FARSB: variants seen among roughly 807,000 people sequenced by gnomAD.
The protein encoded by FARSB is phenylalanine--tRNA ligase beta subunit.
A neutral mutation model predicts 69.6 loss-of-function variants in FARSB; 40 were observed. That is an observed-to-expected ratio of 0.57 (90% confidence interval 0.45 to 0.75). The LOEUF (loss-of-function observed/expected upper bound fraction) is 0.75, where lower values mean the gene tolerates loss of function less well. Ranked by LOEUF, FARSB falls within the 30% of genes least tolerant of loss-of-function variation. The pLI is 0.00. For synonymous variants in FARSB, 235 were observed against 247.2 expected (o/e 0.95, Z 0.46); for missense variants, 632 against 722.9 (o/e 0.87, Z 1.44).
In FARSB at chr2:222,631,997, G is replaced by A. The variant is rs1253009969; in HGVS notation, c.716-323C>T. On this transcript the variant is annotated intron_variant, in intron 7 of 16. Coordinates refer to ENST00000281828, the MANE Select transcript of FARSB (RefSeq NM_005687.5). ...TCAGGCAGGAGAATTGCTTGAACCC[G>A]GGAGGTGCAGGTTGTGGTGAGCCGA... 2.7e-5 allele frequency among the ~76,000 whole-genome samples: 4 copies of A among 150,358 alleles called. No individual in the cohort carries two copies. The South Asian group carries it at 6.3e-4, about 24-fold the overall frequency.
At chr2:222,607,662 TAAG>T (rs1690737892) in intron 15 of FARSB, among the ~76,000 whole-genome samples, 2 of 150,574 alleles carry the variant, frequency 1.3e-5, no homozygotes, top group African/African-American at 4.9e-5. Flanking sequence ...AAAAAAAAAA[TAAG>T]AAAAGATTAG....
At chr2:222,605,250 G>A (rs1055195385) in intron 15 of FARSB, among the ~76,000 whole-genome samples, 3 of 149,552 alleles carry the variant, frequency 2.0e-5, no homozygotes, top group African/African-American at 5.0e-5. Context: ...AAACGAAACA[G>A]AACTAAATTA....
At chr2:222,652,143 T>C (rs1692053583) in intron 1 of FARSB, among the ~76,000 whole-genome samples, 1 of 152,088 alleles carries the variant, frequency 6.6e-6, no homozygotes, top group Non-Finnish European at 1.5e-5. Flanking sequence ...AGGCCAACAG[T>C]GTACTAAAGA....
intron 10 of FARSB, among the ~76,000 whole-genome samples, chr2:222,626,568 C>G (rs1032721579): frequency 3.9e-5 from 6 of 152,112 alleles, no homozygotes; most frequent in African/African-American, 1.4e-4. Flanking sequence ...TCATGCAGTA[C>G]TCCTTTTCAG....
At chr2:222,605,998 A>G (rs922504895) in intron 15 of FARSB, among the ~76,000 whole-genome samples, 1 of 152,244 alleles carries the variant, frequency 6.6e-6, no homozygotes, top group African/African-American at 2.4e-5. Context: ...CAGGATGTTT[A>G]TAGCATACAC....
chr2:222,595,067 T>A (rs1690375421), intron 16 of FARSB, among the ~76,000 whole-genome samples: 1 of 152,208 alleles, frequency 6.6e-6, no homozygotes, highest in Non-Finnish European at 1.5e-5. Context: ...AAAGCAGACA[T>A]CCAGAGGAAT....
At position 222,602,900 on chromosome 2, in the gene FARSB, C is replaced by T. The variant is rs1402897095; in HGVS notation, c.1463-2817G>A. Among the ~76,000 whole-genome samples, 3 of 151,938 alleles carry T rather than the reference C, an allele frequency of 2.0e-5. 1 individual carries two copies. Among genetic ancestry groups the T allele is most frequent in the Non-Finnish European group, 4.4e-5 (3 of 68,002 alleles). On this transcript the variant is annotated intron_variant, in intron 15 of 16. Transcript: ENST00000281828. ...TCATTTATGTTTTGTGCTATTATAA[C>T]ATGGGTCTTTTCTTCCCTTAGAGCT...
chr2:222,617,675 G>T (rs528379350), intron 14 of FARSB, among the ~76,000 whole-genome samples: 1 of 152,186 alleles, frequency 6.6e-6, no homozygotes, highest in Non-Finnish European at 1.5e-5. Context: ...CTTGAGGCCG[G>T]GAGTTCGAGA....
chr2:222,611,091 T>G (rs966478407), intron 15 of FARSB, among the ~76,000 whole-genome samples: 11 of 152,138 alleles, frequency 7.2e-5, no homozygotes, highest in African/African-American at 2.7e-4. Flanking sequence ...ATACTCCAAA[T>G]AAACTAAAGC....
intron 16 of FARSB, among the ~76,000 whole-genome samples, chr2:222,582,490 T>C (rs1313516691): frequency 6.6e-6 from 1 of 152,224 alleles, no homozygotes; most frequent in Non-Finnish European, 1.5e-5. Context: ...TCTCTCTACG[T>C]CCCTTATTTA....
chr2:222,602,823 C>T (rs1898291), intron 15 of FARSB, among the ~76,000 whole-genome samples: 132,244 of 152,036 alleles, frequency 0.87, 57,692 homozygotes, highest in East Asian at 0.97. Flanking sequence ...CTCATTAGCA[C>T]TTTAACATTT....
At chr2:222,603,101 A>G (rs1690606747) in intron 15 of FARSB, among the ~76,000 whole-genome samples, 1 of 152,200 alleles carries the variant, frequency 6.6e-6, no homozygotes, top group Non-Finnish European at 1.5e-5. Flanking sequence ...TAACTTTATA[A>G]CACTTGTGGC....
At chr2:222,632,841 A>C (rs979536490) in intron 7 of FARSB, among the ~76,000 whole-genome samples, 1 of 140,868 alleles carries the variant, frequency 7.1e-6, no homozygotes, top group African/African-American at 2.6e-5. Flanking sequence ...CAACAACAAC[A>C]AAAAAAAAAA....
intron 5 of FARSB, among the ~76,000 whole-genome samples, chr2:222,636,275 C>T (rs1314896841): frequency 4.0e-5 from 6 of 148,960 alleles, no homozygotes; most frequent in South Asian, 2.2e-4. Flanking sequence ...ATGTGGTTGG[C>T]GGGCGCCTGT....
At position 222,567,594 on chromosome 2, in the gene FARSB, G is replaced by A. The variant is rs1259418419; in HGVS notation, c.*4277C>T. Reference sequence around the variant, plus strand: ...AGTAGATTACTCCTGTTTAAAATGTGAGAACAGTCATTCAACATGTTTTAA... The same window carrying A: ...AGTAGATTACTCCTGTTTAAAATGTAAGAACAGTCATTCAACATGTTTTAA... On this transcript the variant is annotated 3_prime_UTR_variant, in exon 17 of 17. Coordinates refer to ENST00000281828, the MANE Select transcript of FARSB (RefSeq NM_005687.5). 1 of 152,210 alleles carries A rather than the reference G, an allele frequency of 6.6e-6. No individual in the cohort carries two copies. The highest frequency in any genetic ancestry group is 1.5e-5 in the Non-Finnish European group (1 of 68,038). The allele number at this position is 152,210 out of a possible 1,614,324, so 9.4% of individuals were successfully genotyped here.
intron 15 of FARSB, among the ~76,000 whole-genome samples, chr2:222,612,500 C>T (rs1343115077): frequency 6.6e-6 from 1 of 152,180 alleles, no homozygotes; most frequent in African/African-American, 2.4e-5. Context: ...GATTTACAGT[C>T]AATAGTTGTG....
At chr2:222,632,325 T>C (rs1361888252) in intron 7 of FARSB, among the ~76,000 whole-genome samples, 1 of 152,216 alleles carries the variant, frequency 6.6e-6, no homozygotes, top group Non-Finnish European at 1.5e-5. Flanking sequence ...CACAATCCTA[T>C]GATGTAATTG....
chr2:222,655,923 A>C, intron 1 of FARSB, 93 bp downstream of exon 1: 2 of 1,052,900 alleles, frequency 1.9e-6, no homozygotes, highest in South Asian at 2.7e-5. Flanking sequence ...CAAAACCTTC[A>C]GGAAGGCATG....
intron 6 of FARSB, among the ~76,000 whole-genome samples, chr2:222,633,829 G>A (rs956634938): frequency 3.3e-5 from 5 of 152,088 alleles, no homozygotes; most frequent in African/African-American, 1.2e-4. Context: ...TTTCTCAAGA[G>A]TGAAAACAGA....
Sources: allele counts gnomAD v4.1 joint callset (sites outside exome capture counted in the v4.1 genomes callset), GRCh38; gene constraint gnomAD v4.1.1; transcripts MANE v1.5; gene names NCBI Gene and HGNC (gene_info 2026-07-23, HGNC 2026-07-21).